The following AKAP13 variants were observed in gnomAD, a reference collection of about 807,000 sequenced individuals.
AKAP13 encodes A-kinase anchoring protein 13, also known as A-kinase anchor protein 13.
Under a neutral mutation model 264.5 loss-of-function variants are expected in AKAP13, and 80 were observed. The ratio of observed to expected loss-of-function variants is 0.30; its 90% CI spans 0.25 to 0.36. The LOEUF is 0.36. Among genes scored for constraint, AKAP13 ranks in the 10% least tolerant of loss-of-function variants. The pLI, the probability that AKAP13 is intolerant of heterozygous loss-of-function variation, is 1.00. For synonymous variants in AKAP13, 1,380 were observed against 1,250.2 expected, an observed-to-expected ratio of 1.10 and a Z score of -2.19; for missense variants, 3,712 against 3,435.2, an observed-to-expected ratio of 1.08 and a Z score of -2.01.
rs978476039 is a variant in AKAP13 at position 85,380,626 on chromosome 15, C to T, written c.-184C>T. The T allele has an allele frequency of 6.6e-6, 1 of 152,050 alleles. No homozygotes were observed. Among genetic ancestry groups the T allele is most frequent in the Non-Finnish European group, 1.5e-5 (1 of 67,978 alleles). 9.4% of individuals were successfully genotyped at this position (152,050 alleles called of 1,614,324 possible). On this transcript the variant is annotated 5_prime_UTR_variant, in exon 1 of 37. Transcript: ENST00000394518. ...CTGTGTGCAGGGCCAGCGCGGAGCCCGAGCAGCCGCGGTGAAGCGCCTGTG... is the reference window on the plus strand; with the variant it reads ...CTGTGTGCAGGGCCAGCGCGGAGCCTGAGCAGCCGCGGTGAAGCGCCTGTG...
At position 85,633,408 on chromosome 15, in the gene AKAP13, A is replaced by T. The variant is rs149325043; in HGVS notation, c.4162-5966A>T. 2.3e-4 allele frequency among the ~76,000 whole-genome samples: 35 copies of T among 151,638 alleles called. No individual in the cohort carries two copies. The East Asian group carries it at 5.0e-3, about 22-fold the overall frequency. On this transcript the variant is annotated intron_variant, in intron 8 of 36. Transcript: ENST00000394518. ...TTTTTCCCTTCCAGCTTAAAAGTGT[A>T]GTTTTGTATTGCAGTACAGTGGTTC...
intron 21 of AKAP13, 43 bp from the exon 22 acceptor site, chr15:85,717,964 G>A: frequency 1.3e-6 from 2 of 1,595,616 alleles, no homozygotes; most frequent in Non-Finnish European, 1.7e-6. Context: ...TTATTTTACA[G>A]GTCACAAACC....
intron 1 of AKAP13, among the ~76,000 whole-genome samples, chr15:85,462,586 C>T (rs2074557521): frequency 1.3e-5 from 2 of 152,100 alleles, no homozygotes; most frequent in Non-Finnish European, 2.9e-5. Flanking sequence ...GATTGGATCC[C>T]AAGATGACCT....
intron 2 of AKAP13, among the ~76,000 whole-genome samples, chr15:85,509,887 C>T (rs934196673): frequency 3.3e-5 from 5 of 152,194 alleles, no homozygotes; most frequent in Admixed American, 6.5e-5. Context: ...GCCTCTGTCA[C>T]CTCCTCCGAC....
At chr15:85,622,859 A>G (rs1020952410) in intron 8 of AKAP13, among the ~76,000 whole-genome samples, 5 of 152,206 alleles carry the variant, frequency 3.3e-5, no homozygotes, top group African/African-American at 7.2e-5. Context: ...CTCTTATTAC[A>G]TGAATATGTA....
At chr15:85,440,070 C>G (rs1203485321) in intron 1 of AKAP13, among the ~76,000 whole-genome samples, 2 of 152,088 alleles carry the variant, frequency 1.3e-5, no homozygotes, top group Admixed American at 6.6e-5. Context: ...GAACACCTAA[C>G]AAAGCTTTCA....
In AKAP13 at chr15:85,580,137, C is replaced by T. The variant is rs779615006; in HGVS notation, c.2069C>T (p.Ser690Phe). ...CTGTGTGATAACATAGTTAGCGAGT[C>T]CGAAAGCACCACAGCAAGGCAACCC... Reference protein sequence around the residue: ...AKLCDNIVSESESTTARQPSS... With the variant: ...AKLCDNIVSEFESTTARQPSS... The change falls in exon 7 of 37, where the codon TCC (serine) becomes TTC (phenylalanine). Residue 690 changes from serine (S) to phenylalanine (F), a missense_variant. Ser to Phe is a radical substitution (Grantham distance 155). Coordinates refer to ENST00000394518, the MANE Select transcript of AKAP13 (RefSeq NM_007200.5). 2 of 1,614,166 alleles carry T rather than the reference C, an allele frequency of 1.2e-6. No individual in the cohort carries two copies. Among genetic ancestry groups the T allele is most frequent in the African/African-American group, 1.3e-5 (1 of 75,048 alleles).
chr15:85,711,161 A>C (rs2086616434), intron 19 of AKAP13, among the ~76,000 whole-genome samples: 1 of 152,156 alleles, frequency 6.6e-6, no homozygotes, highest in Non-Finnish European at 1.5e-5. Context: ...GATTACAGGC[A>C]CGCACCACCA....
chr15:85,713,659 G>A (rs1405081677), intron 19 of AKAP13, among the ~76,000 whole-genome samples: 2 of 152,056 alleles, frequency 1.3e-5, no homozygotes, highest in East Asian at 1.9e-4. Context: ...TTAGAATGTC[G>A]GGTTTCTGCT....
intron 5 of AKAP13, among the ~76,000 whole-genome samples, chr15:85,548,691 G>A (rs1241203262): frequency 6.6e-6 from 1 of 152,078 alleles, no homozygotes; most frequent in Non-Finnish European, 1.5e-5. Context: ...AGTAAAATTA[G>A]AGTTAACTGA....
chr15:85,722,677 T>C (rs2087363564), intron 25 of AKAP13, among the ~76,000 whole-genome samples: 1 of 152,156 alleles, frequency 6.6e-6, no homozygotes, highest in African/African-American at 2.4e-5. Flanking sequence ...TAATCAGTAA[T>C]TACTGGTTTC....
intron 17 of AKAP13, among the ~76,000 whole-genome samples, chr15:85,706,481 A>T (rs896216250): frequency 2.0e-5 from 3 of 152,154 alleles, no homozygotes; most frequent in Non-Finnish European, 2.9e-5. Context: ...AATTTTATAG[A>T]TGAGGAAACG....
At chr15:85,439,881 TAGTG>T (rs928747311) in intron 1 of AKAP13, among the ~76,000 whole-genome samples, 51 of 146,334 alleles carry the variant, frequency 3.5e-4, no homozygotes, top group African/African-American at 1.2e-3. Flanking sequence ...GATGACGAGT[TAGTG>T]GGTGCAGCGC....
At chr15:85,633,746 G>T (rs1196981682) in intron 8 of AKAP13, among the ~76,000 whole-genome samples, 1 of 151,260 alleles carries the variant, frequency 6.6e-6, no homozygotes, top group East Asian at 1.9e-4. Context: ...GGGTTTCACT[G>T]TGTTAGCCAG....
chr15:85,428,664 A>C (rs1484834278), intron 1 of AKAP13, among the ~76,000 whole-genome samples: 1 of 152,230 alleles, frequency 6.6e-6, no homozygotes, highest in South Asian at 2.1e-4. Context: ...TGTTTCTAAC[A>C]AGGACATATA....
Position 85,718,522 on chromosome 15 carries a change from C to G in AKAP13, c.6001+363C>G, listed in dbSNP as rs536491368. Among the ~76,000 whole-genome samples, 20 of 152,212 alleles carry G rather than the reference C, an allele frequency of 1.3e-4. No homozygotes were observed. Among genetic ancestry groups the G allele is most frequent in the African/African-American group, 4.8e-4 (20 of 41,530 alleles). Reference sequence around the variant, plus strand: ...CGACAGGTGCTGAATCCAGTGAAGACCTCTTTGGAAGTCATAATTTAAGAC... The same window carrying G: ...CGACAGGTGCTGAATCCAGTGAAGAGCTCTTTGGAAGTCATAATTTAAGAC... On this transcript the variant is annotated intron_variant, in intron 22 of 36. Transcript: ENST00000394518. This position sits in a 1 kb window ranked among gnomAD's most constrained non-coding sequence, Gnocchi z 4.9.
chr15:85,728,003 C>T (rs1316223295), intron 29 of AKAP13, among the ~76,000 whole-genome samples: 3 of 152,138 alleles, frequency 2.0e-5, no homozygotes, highest in South Asian at 2.1e-4. Flanking sequence ...ATCCCTGCAA[C>T]ACAGGCATTC....
intron 13 of AKAP13, among the ~76,000 whole-genome samples, chr15:85,666,165 C>G (rs576469658): frequency 6.6e-6 from 1 of 152,334 alleles, no homozygotes; most frequent in East Asian, 1.9e-4. Context: ...GTTCCTATCT[C>G]TCCATATCCT....
intron 8 of AKAP13, among the ~76,000 whole-genome samples, chr15:85,633,068 A>G (rs568561613): frequency 6.6e-6 from 1 of 151,836 alleles, no homozygotes; most frequent in African/African-American, 2.4e-5. Context: ...GGGTTTCACT[A>G]TGTTGGCCAG....
Sources: gnomAD v4.1 joint callset for allele counts (sites outside exome capture counted in the v4.1 genomes callset) on GRCh38, gnomAD v4.1.1 for gene constraint, Gnocchi (gnomAD v3.1) non-coding constraint, MANE v1.5 for transcripts, NCBI Gene and HGNC (gene_info 2026-07-23, HGNC 2026-07-21) for gene names.